The following PPP1R13B variants were observed in gnomAD, a reference collection of about 807,000 sequenced individuals.
PPP1R13B encodes the protein apoptosis-stimulating of p53 protein 1.
Under a neutral mutation model 119.8 loss-of-function variants are expected in PPP1R13B, and 44 were observed. The ratio of observed to expected loss-of-function variants is 0.37; its 90% CI spans 0.29 to 0.47. PPP1R13B has a LOEUF of 0.47. Ranked by LOEUF, PPP1R13B falls within the 20% of genes least tolerant of loss-of-function variation. The pLI, the probability that PPP1R13B is intolerant of heterozygous loss-of-function variation, is 0.99. For synonymous variants in PPP1R13B, 542 were observed against 561.5 expected, an observed-to-expected ratio of 0.97 and a Z score of 0.49; for missense variants, 1,227 against 1,413.5, an observed-to-expected ratio of 0.87 and a Z score of 2.12.
intron 1 of PPP1R13B, among the ~76,000 whole-genome samples, chr14:103,840,400 C>T (rs535417479): frequency 1.4e-4 from 21 of 152,320 alleles, no homozygotes; most frequent in African/African-American, 4.8e-4. Flanking sequence ...ATCCTAAAAC[C>T]GTTCAGAGTA....
rs571884010 is a variant in PPP1R13B at position 103,754,633 on chromosome 14, A to C, written c.457-389T>G. ...ATATACTCAAAAAGAAAAATGTGAG[A>C]GTATTCTACAGTATCACTCATCTTA... On this transcript the variant is annotated intron_variant, in intron 5 of 16. Coordinates refer to ENST00000202556, the MANE Select transcript of PPP1R13B (RefSeq NM_015316.3). 1.1e-4 allele frequency among the ~76,000 whole-genome samples: 16 copies of C among 151,748 alleles called. No individual in the cohort carries two copies. In the East Asian group the frequency reaches 2.3e-3, roughly 22 times the overall value.
intron 3 of PPP1R13B, among the ~76,000 whole-genome samples, chr14:103,779,707 A>G (rs1167857404): frequency 6.6e-6 from 1 of 152,082 alleles, no homozygotes; most frequent in African/African-American, 2.4e-5. Flanking sequence ...GAATAGCTTG[A>G]GCCTAGGAGG....
chr14:103,791,669 A>C (rs1004792452), intron 2 of PPP1R13B, among the ~76,000 whole-genome samples: 1 of 152,222 alleles, frequency 6.6e-6, no homozygotes, highest in Non-Finnish European at 1.5e-5. Flanking sequence ...GGTTGTAGTG[A>C]GCCGAGATCC....
intron 3 of PPP1R13B, among the ~76,000 whole-genome samples, chr14:103,781,682 C>T (rs576486529): frequency 3.9e-5 from 6 of 151,978 alleles, no homozygotes; most frequent in Middle Eastern, 3.4e-3. Context: ...AACACAGTCT[C>T]GCTCTGTCGC....
intron 5 of PPP1R13B, among the ~76,000 whole-genome samples, chr14:103,754,467 C>A (rs2084627303): frequency 7.2e-6 from 1 of 139,072 alleles, no homozygotes; most frequent in Admixed American, 8.1e-5. Context: ...GAGGCTGAGG[C>A]AGAAGAATCG....
chr14:103,737,393 T>A, intron 15 of PPP1R13B: 1 of 260,958 alleles, frequency 3.8e-6, no homozygotes, highest in Non-Finnish European at 7.2e-6. Flanking sequence ...GGCGAAACAC[T>A]GTCTCTACAA....
At chr14:103,751,742 T>A (rs2084553814) in intron 7 of PPP1R13B, among the ~76,000 whole-genome samples, 1 of 152,136 alleles carries the variant, frequency 6.6e-6, no homozygotes, top group African/African-American at 2.4e-5. Flanking sequence ...GGAGTGAACA[T>A]TCACTGGAAA....
chr14:103,777,987 CG>C (rs1567115756), intron 4 of PPP1R13B, among the ~76,000 whole-genome samples: 1 of 149,110 alleles, frequency 6.7e-6, no homozygotes, highest in African/African-American at 2.5e-5. Flanking sequence ...GAATTTCGCT[CG>C]TTGCCCAGGC....
intron 1 of PPP1R13B, among the ~76,000 whole-genome samples, chr14:103,814,214 T>C (rs539684432): frequency 6.6e-6 from 1 of 152,094 alleles, no homozygotes; most frequent in Non-Finnish European, 1.5e-5. Flanking sequence ...CCGGGCATGG[T>C]GGCACATGCC....
At chr14:103,754,399 T>C (rs1443081637) in intron 5 of PPP1R13B, among the ~76,000 whole-genome samples, 155 bp from the exon 6 acceptor site, 6 of 151,604 alleles carry the variant, frequency 4.0e-5, no homozygotes, top group Non-Finnish European at 8.8e-5. Context: ...ACCCTGTCTC[T>C]ACTAAAAATA....
chr14:103,808,573 T>C (rs10148880), intron 1 of PPP1R13B, among the ~76,000 whole-genome samples: 5,107 of 152,284 alleles, frequency 0.034, 281 homozygotes, highest in African/African-American at 0.12. Context: ...TTGGACAAGC[T>C]TGAGCTAAAG....
At chr14:103,778,364 C>A (rs1468346682) in intron 4 of PPP1R13B, among the ~76,000 whole-genome samples, 1 of 149,502 alleles carries the variant, frequency 6.7e-6, no homozygotes, top group East Asian at 2.0e-4. Flanking sequence ...CGGGTTCCAG[C>A]AATTCTCCTG....
At chr14:103,848,069 C>G (rs1411313034), upstream of PPP1R13B, among the ~76,000 whole-genome samples, 1 of 151,754 alleles carries the variant, frequency 6.6e-6, no homozygotes, top group South Asian at 2.1e-4. Context: ...GCGCGGGGGG[C>G]CCCCGGAGCG....
rs2084160803 is a variant in PPP1R13B at position 103,738,181 on chromosome 14, G to C, written c.2865-321C>G. 6.6e-6 allele frequency among the ~76,000 whole-genome samples: 1 copy of C among 152,216 alleles called. No individual in the cohort carries two copies. Among genetic ancestry groups the C allele is most frequent in the South Asian group, 2.1e-4 (1 of 4,826 alleles). On this transcript the variant is annotated intron_variant, in intron 14 of 16. Transcript: ENST00000202556. This position sits in a 1 kb window ranked among gnomAD's most constrained non-coding sequence, Gnocchi z 5.6. ...GCTAAGATGTGAAATTTTATGTTAT[G>C]TGTATTTTACCACGATTCAAATGCA... is the stretch of plus-strand genomic sequence containing the variant.
upstream of PPP1R13B, chr14:103,847,598 T>C (rs2087090369): frequency 1.0e-6 from 1 of 985,528 alleles, no homozygotes; most frequent in African/African-American, 1.8e-5. Flanking sequence ...CCCGGCTCGC[T>C]CTTCAGCCCC....
At position 103,843,367 on chromosome 14, in the gene PPP1R13B, C is replaced by CT. The variant is rs377003603; in HGVS notation, c.9+3931dup. 3.3e-3 allele frequency among the ~76,000 whole-genome samples: 504 copies of CT among 151,674 alleles called. 5 individuals carry two copies. The highest frequency in any genetic ancestry group is 0.012 in the African/African-American group (489 of 41,310). ...CTAGCCTGGGTGACAGAGCGAGACT[C>CT]TGTCTCAAAAAAAAAAATAAATCAT... On this transcript the variant is annotated intron_variant, in intron 1 of 16. Coordinates refer to ENST00000202556, the MANE Select transcript of PPP1R13B (RefSeq NM_015316.3).
intron 7 of PPP1R13B, 75 bp downstream of exon 7, chr14:103,752,925 G>A: frequency 6.7e-7 from 1 of 1,500,898 alleles, no homozygotes; most frequent in Non-Finnish European, 9.1e-7. Flanking sequence ...ACTTCCTAAG[G>A]TTTCCAACCC....
At chr14:103,792,677 A>G (rs895152613) in intron 2 of PPP1R13B, among the ~76,000 whole-genome samples, 1 of 152,038 alleles carries the variant, frequency 6.6e-6, no homozygotes, top group Non-Finnish European at 1.5e-5. Flanking sequence ...TGAGGCTGAG[A>G]TGGAAGGATC....
At chr14:103,757,850 C>T in intron 4 of PPP1R13B, 99 bp from the exon 5 acceptor site, 1 of 954,608 alleles carries the variant, frequency 1.0e-6, no homozygotes, top group Non-Finnish European at 1.6e-6. Flanking sequence ...GATAGGATCC[C>T]TAGTAGTGAG....
Sources: gnomAD v4.1 joint callset for allele counts (sites outside exome capture counted in the v4.1 genomes callset) on GRCh38, gnomAD v4.1.1 for gene constraint, Gnocchi (gnomAD v3.1) non-coding constraint, MANE v1.5 for transcripts, NCBI Gene and HGNC (gene_info 2026-07-23, HGNC 2026-07-21) for gene names.